TAP1: variants seen among roughly 807,000 people sequenced by gnomAD.
TAP1 encodes the protein transporter 1, ATP binding cassette subfamily B member, also known as antigen peptide transporter 1.
Under a neutral mutation model 79.3 loss-of-function variants are expected in TAP1, and 56 were observed. The ratio of observed to expected loss-of-function variants is 0.71; its 90% confidence interval spans 0.57 to 0.88. The LOEUF is 0.88. TAP1 is among the 40% of genes least tolerant of loss of function. The pLI is 0.00. For missense variants in TAP1, 737 were observed against 936.3 expected, an observed-to-expected ratio of 0.79 and a Z score of 2.78; for synonymous variants, 355 against 401.4, an observed-to-expected ratio of 0.88 and a Z score of 1.38.
rs765432671 is a variant in TAP1 at position 32,852,215 on chromosome 6, G to A, written c.738C>T (p.Asp246=). The A allele has an allele frequency of 3.0e-5, 49 of 1,612,794 alleles. No homozygotes were observed. The highest frequency in any genetic ancestry group is 3.0e-5 in the Non-Finnish European group (35 of 1,180,006). Residue 246 remains aspartate (D), a synonymous_variant, in exon 3 of 11, where the codon GAC becomes GAT. Transcript: ENST00000354258. This position sits in a 1 kb window ranked among gnomAD's most constrained non-coding sequence, Gnocchi z 4.8. Reference sequence around the variant, plus strand: ...GGCCCATGGTGTTGTTATAGATCCCGTCACCCACGAACTCCAGCACTGCAC... The same window carrying A: ...GGCCCATGGTGTTGTTATAGATCCCATCACCCACGAACTCCAGCACTGCAC... ...IASAVLEFVG[D]GIYNNTMGHV... is the part of the protein sequence containing the mutation.
At position 32,851,207 on chromosome 6, in the gene TAP1, G is replaced by A. The variant is rs975038502; in HGVS notation, c.845-58C>T. 33 of 1,549,934 alleles carry A rather than the reference G, an allele frequency of 2.1e-5. No individual in the cohort carries two copies. The highest frequency in any genetic ancestry group is 2.9e-5 in the Non-Finnish European group (33 of 1,129,954). On this transcript the variant is annotated intron_variant, in intron 3 of 10. Transcript: ENST00000354258. The surrounding 1 kb of genome is among the most constrained non-coding windows in gnomAD (Gnocchi z 4.8). The stretch of plus-strand genomic sequence containing the variant: ...TCAGACAGGTTCCAAGTGATGAGAC[G>A]AACTAACAATGAGCCAGGATGCCAG...
Position 32,853,080 on chromosome 6 carries a change from C to T in TAP1, c.557G>A (p.Arg186His). ...LLGCLGSETR[R>H]LSLFLVLVVL... Reference sequence around the variant, plus strand: ...CACCAGGACCAGGAACAGCGAGAGGCGGCGCGTCTCCGAGCCCAGGCAGCC... The same window carrying T: ...CACCAGGACCAGGAACAGCGAGAGGTGGCGCGTCTCCGAGCCCAGGCAGCC... Residue 186 changes from arginine (R) to histidine (H), a missense_variant, in exon 1 of 11, where the codon CGC (arginine) becomes CAC (histidine). Physicochemically the swap from Arg to His is conservative, Grantham distance 29. This residue lies in a region of TAP1 where 406 missense variants were observed against 477.2 expected (regional missense o/e 0.85). Coordinates refer to ENST00000354258, the MANE Select transcript of TAP1 (RefSeq NM_000593.6). This position sits in a 1 kb window ranked among gnomAD's most constrained non-coding sequence, Gnocchi z 8.3. 1.2e-6 allele frequency: 2 copies of T among 1,612,634 alleles called. No individual in the cohort carries two copies. Among genetic ancestry groups the T allele is most frequent in the South Asian group, 1.1e-5 (1 of 91,076 alleles).
Position 32,851,283 on chromosome 6 carries a change from A to T in TAP1, c.845-134T>A. 1 of 822,738 alleles carries T rather than the reference A, an allele frequency of 1.2e-6. No individual in the cohort carries two copies. The highest frequency in any genetic ancestry group is 2.0e-6 in the Non-Finnish European group (1 of 493,926). The allele number at this position is 822,738 out of a possible 1,614,324, so 51.0% of individuals were successfully genotyped here. A position where few individuals can be genotyped will look rare whatever the true frequency, so the allele number is the denominator to read the frequency against. ...TAAGGAGGCTGCAGGAAACAAGGTTAGGGTTCTCCAGAGGTCTGCAAATCT... is the reference window on the plus strand; with the variant it reads ...TAAGGAGGCTGCAGGAAACAAGGTTTGGGTTCTCCAGAGGTCTGCAAATCT... On this transcript the variant is annotated intron_variant, in intron 3 of 10. Coordinates refer to ENST00000354258, the MANE Select transcript of TAP1 (RefSeq NM_000593.6). This position sits in a 1 kb window ranked among gnomAD's most constrained non-coding sequence, Gnocchi z 4.8.
In TAP1 at chr6:32,845,525, A is replaced by G. The variant is rs1770309457; in HGVS notation, c.*54T>C. 6.3e-7 allele frequency: 1 copy of G among 1,596,386 alleles called. No individual in the cohort carries two copies. Among genetic ancestry groups the G allele is most frequent in the East Asian group, 2.2e-5 (1 of 44,776 alleles). On this transcript the variant is annotated 3_prime_UTR_variant, in exon 11 of 11. Coordinates refer to ENST00000354258, the MANE Select transcript of TAP1 (RefSeq NM_000593.6). This position sits in a 1 kb window ranked among gnomAD's most constrained non-coding sequence, Gnocchi z 4.5. ...GCCTACTCTGCAGCTGTGGTTCTCC[A>G]CCACAGAGAGAAGAAAAGGGAGGGA... is the stretch of plus-strand genomic sequence containing the variant.
chr6:32,848,784 T>A lies in TAP1; in HGVS notation c.1434A>T (p.Ile478=), dbSNP rs772039505. The change falls in exon 7 of 11, where the codon ATA becomes ATT. Residue 478 remains isoleucine (I), a synonymous_variant. Coordinates refer to ENST00000354258, the MANE Select transcript of TAP1 (RefSeq NM_000593.6). The stretch of plus-strand genomic sequence containing the variant: ...GAGGGGTGCGGTCCAGGTACTCAAA[T>A]ATTTTCTCTGAGGAGCCCACAGCCT... ...VQKAVGSSEK[I]FEYLDRTPRC... is the part of the protein sequence containing the mutation. The A allele has an allele frequency of 6.2e-7, 1 of 1,614,022 alleles. No individual in the cohort carries two copies. Among genetic ancestry groups the A allele is most frequent in the Non-Finnish European group, 8.5e-7 (1 of 1,180,028 alleles).
Position 32,853,615 on chromosome 6 carries a change from C to G in TAP1, c.22G>C (p.Ala8Pro), listed in dbSNP as rs750653151. 1 of 1,612,102 alleles carries G rather than the reference C, an allele frequency of 6.2e-7. No homozygotes were observed. The highest frequency in any genetic ancestry group is 1.7e-5 in the Admixed American group (1 of 60,000). The change falls in exon 1 of 11, where the codon GCT becomes CCT. Residue 8 changes from alanine to proline, a missense_variant. Physicochemically the swap from Ala to Pro is conservative, Grantham distance 27. This residue lies in a region of TAP1 where 45 missense variants were observed against 60.2 expected (regional missense o/e 0.75). Coordinates refer to ENST00000354258, the MANE Select transcript of TAP1 (RefSeq NM_000593.6). The surrounding 1 kb of genome is among the most constrained non-coding windows in gnomAD (Gnocchi z 8.3). The part of the protein sequence containing the change: MASSRCP[A>P]PRGCRCLPGA... ...GGGAGGCAGCGGCACCCGCGGGGAG[C>G]GGGACACCTAGAGCTAGCCATTGGC... is the stretch of plus-strand genomic sequence containing the variant.
rs1770716672 is a variant in TAP1, at chr6:32,850,492, G to T, written c.1076C>A (p.Ser359Tyr). The T allele has an allele frequency of 6.2e-7, 1 of 1,613,506 alleles. No individual in the cohort carries two copies. The highest frequency in any genetic ancestry group is 8.5e-7 in the Non-Finnish European group (1 of 1,180,034). ...YQLLEVQVRE[S>Y]LAKSSQVAIE... ...GGCCACCTGGCTGGACTTTGCCAGA[G>T]ATTCCCGCACCTGCACTTCCAGCAA... Residue 359 changes from serine (S) to tyrosine (Y), a missense_variant, in exon 5 of 11, where the codon TCT (serine) becomes TAT (tyrosine). Ser to Tyr is a moderately radical substitution (Grantham distance 144). Coordinates refer to ENST00000354258, the MANE Select transcript of TAP1 (RefSeq NM_000593.6). This position sits in a 1 kb window ranked among gnomAD's most constrained non-coding sequence, Gnocchi z 5.5.
Position 32,850,335 on chromosome 6 carries a change from G to A in TAP1, c.1233C>T (p.Asn411=). 1 of 1,614,270 alleles carries A rather than the reference G, an allele frequency of 6.2e-7. No homozygotes were observed. The highest frequency in any genetic ancestry group is 8.5e-7 in the Non-Finnish European group (1 of 1,180,052). ...NQKEAVAYAV[N]SWTTSISGML... is the part of the protein sequence containing the mutation. ...AGGTGCTCACACTAGTGGTCCAGGA[G>A]TTGACTGCATAGGCCACAGCCTCCT... is the stretch of plus-strand genomic sequence containing the variant. Residue 411 remains asparagine (N), a synonymous_variant, in exon 5 of 11, where the codon AAC becomes AAT. Coordinates refer to ENST00000354258, the MANE Select transcript of TAP1 (RefSeq NM_000593.6). This position sits in a 1 kb window ranked among gnomAD's most constrained non-coding sequence, Gnocchi z 5.5.
chr6:32,848,768 G>A lies in TAP1; in HGVS notation c.1450C>T (p.Arg484Cys), dbSNP rs778774698. 2.5e-5 allele frequency: 41 copies of A among 1,613,962 alleles called. No individual in the cohort carries two copies. Among genetic ancestry groups the A allele is most frequent in the South Asian group, 7.7e-5 (7 of 91,076 alleles). ...SSEKIFEYLD[R>C]TPRCPPSGLL... ...CCACTGGGTGGGCAGCGAGGGGTGC[G>A]GTCCAGGTACTCAAATATTTTCTCT... Residue 484 changes from arginine (R) to cysteine (C), a missense_variant, in exon 7 of 11, where the codon CGC becomes TGC. Coordinates refer to ENST00000354258, the MANE Select transcript of TAP1 (RefSeq NM_000593.6).
intron 7 of TAP1, 65 bp from the exon 8 acceptor site, chr6:32,848,157 C>T (rs1422094933): frequency 6.5e-7 from 1 of 1,538,056 alleles, no homozygotes; most frequent in Non-Finnish European, 8.8e-7. Context: ...GTGTCATTGC[C>T]TTGTTACATA....
Position 32,847,941 on chromosome 6 carries a change from T to C in TAP1, c.1718A>G (p.Glu573Gly). The change falls in exon 8 of 11, where the codon GAG (glutamate) becomes GGG (glycine). Residue 573 changes from glutamate (E) to glycine (G), a missense_variant. By Grantham distance (98) the Glu-to-Gly change is moderately conservative. Transcript: ENST00000354258. The surrounding 1 kb of genome is among the most constrained non-coding windows in gnomAD (Gnocchi z 4.7). ...LLDGKPLPQY[E>G]HRYLHRQVAA... is the part of the protein sequence containing the mutation. ...TACCTGCCTGTGCAGGTAGCGGTGC[T>C]CATATTGGGGAAGGGGCTTCCCATC... 1.2e-6 allele frequency: 2 copies of C among 1,613,058 alleles called. No homozygotes were observed. Among genetic ancestry groups the C allele is most frequent in the Non-Finnish European group, 8.5e-7 (1 of 1,180,030 alleles).
In TAP1 at chr6:32,850,885, A is replaced by G; in HGVS notation, c.1050+59T>C. 6.8e-7 allele frequency: 1 copy of G among 1,461,656 alleles called. No homozygotes were observed. The highest frequency in any genetic ancestry group is 9.6e-7 in the Non-Finnish European group (1 of 1,044,202). The allele number at this position is 1,461,656 out of a possible 1,614,324, so 90.5% of individuals were successfully genotyped here. The stretch of plus-strand genomic sequence containing the variant: ...ACTGAAAGCAATGTGAGAGGAACTG[A>G]GTCTGCCAAGTCTGGGAGATGAGGG... On this transcript the variant is annotated intron_variant, in intron 4 of 10. Transcript: ENST00000354258. This position sits in a 1 kb window ranked among gnomAD's most constrained non-coding sequence, Gnocchi z 5.5.
At position 32,852,275 on chromosome 6, in the gene TAP1, T is replaced by C; in HGVS notation, c.714-36A>G. The C allele has an allele frequency of 6.2e-7, 1 of 1,613,038 alleles. No homozygotes were observed. The highest frequency in any genetic ancestry group is 8.5e-7 in the Non-Finnish European group (1 of 1,180,006). ...CCCGGAAAAAAAGGGGATCAGGGTG[T>C]GTTCAGGGAACAGACTGAAGGTCCC... On this transcript the variant is annotated intron_variant, in intron 2 of 10. Transcript: ENST00000354258. The surrounding 1 kb of genome is among the most constrained non-coding windows in gnomAD (Gnocchi z 4.8).
At chr6:32,848,862 G>A in intron 6 of TAP1, 22 bp from the exon 7 acceptor site, 1 of 1,613,594 alleles carries the variant, frequency 6.2e-7, no homozygotes, top group Middle Eastern at 1.8e-4. Flanking sequence ...TAAGAATAGT[G>A]AAAGTGAGGT....
chr6:32,851,515 C>A lies in TAP1; in HGVS notation c.845-366G>T, dbSNP rs996588728. On this transcript the variant is annotated intron_variant, in intron 3 of 10. Transcript: ENST00000354258. The surrounding 1 kb of genome is among the most constrained non-coding windows in gnomAD (Gnocchi z 4.8). ...GAGGAGGGTGCTGCTAGGAAGCATGCCAAAGTCTGTGGAGCACTCACTGGG... is the reference window on the plus strand; with the variant it reads ...GAGGAGGGTGCTGCTAGGAAGCATGACAAAGTCTGTGGAGCACTCACTGGG... 3.3e-5 allele frequency among the ~76,000 whole-genome samples: 5 copies of A among 152,106 alleles called. No individual in the cohort carries two copies. The highest frequency in any genetic ancestry group is 5.9e-5 in the Non-Finnish European group (4 of 68,012).
In TAP1 at chr6:32,847,977, T is replaced by C; in HGVS notation, c.1682A>G (p.Gln561Arg). The C allele has an allele frequency of 6.2e-7, 1 of 1,613,110 alleles. No individual in the cohort carries two copies. The highest frequency in any genetic ancestry group is 1.1e-5 in the South Asian group (1 of 91,090). The change falls in exon 8 of 11, where the codon CAG becomes CGG. Residue 561 changes from glutamine to arginine, a missense_variant. This residue lies in a region of TAP1 where 266 missense variants were observed against 332.4 expected (regional missense o/e 0.80). Transcript: ENST00000354258. The surrounding 1 kb of genome is among the most constrained non-coding windows in gnomAD (Gnocchi z 4.7). ...LQNLYQPTGG[Q>R]LLLDGKPLPQ... ...AAGGGGCTTCCCATCCAACAGCAGCTGTCCCCCGGTGGGCTGGTACAGATT... is the reference window on the plus strand; with the variant it reads ...AAGGGGCTTCCCATCCAACAGCAGCCGTCCCCCGGTGGGCTGGTACAGATT...
At chr6:32,849,231 C>T (rs56318279) in intron 5 of TAP1, 113 bp from the exon 6 acceptor site, 28,826 of 1,357,542 alleles carry the variant, frequency 0.021, 442 homozygotes, top group South Asian at 0.037. Flanking sequence ...TAAGTGACAT[C>T]GGCAGGCTCA....
In TAP1 at chr6:32,850,664, C is replaced by A; in HGVS notation, c.1051-147G>T. 2 of 795,508 alleles carry A rather than the reference C, an allele frequency of 2.5e-6. No individual in the cohort carries two copies. The highest frequency in any genetic ancestry group is 2.1e-5 in the Admixed American group (1 of 48,336). The allele number at this position is 795,508 out of a possible 1,614,324, so 49.3% of individuals were successfully genotyped here. ...GAGACACAGCTATGCCCCTTGGATG[C>A]TAAAGAAATACGAGGAAGAGGAAAA... On this transcript the variant is annotated intron_variant, in intron 4 of 10. Coordinates refer to ENST00000354258, the MANE Select transcript of TAP1 (RefSeq NM_000593.6). This position sits in a 1 kb window ranked among gnomAD's most constrained non-coding sequence, Gnocchi z 5.5.
rs1770839029 is a variant in TAP1 at position 32,852,318 on chromosome 6, T to C, written c.713+70A>G. ...AAGGTCCCAGGTATCCCCATATAAGTGCATTTCGGACAGCAGCCCCAACTT... is the reference window on the plus strand; with the variant it reads ...AAGGTCCCAGGTATCCCCATATAAGCGCATTTCGGACAGCAGCCCCAACTT... On this transcript the variant is annotated intron_variant, in intron 2 of 10. Coordinates refer to ENST00000354258, the MANE Select transcript of TAP1 (RefSeq NM_000593.6). This position sits in a 1 kb window ranked among gnomAD's most constrained non-coding sequence, Gnocchi z 4.8. The C allele has an allele frequency of 1.3e-5, 21 of 1,612,724 alleles. No homozygotes were observed. Among genetic ancestry groups the C allele is most frequent in the Admixed American group, 5.0e-5 (3 of 59,996 alleles).
Sources: gnomAD v4.1 joint callset for allele counts (sites outside exome capture counted in the v4.1 genomes callset) on GRCh38, gnomAD v4.1.1 for gene constraint, gnomAD v4.1.1 regional missense constraint, Gnocchi (gnomAD v3.1) non-coding constraint, MANE v1.5 for transcripts, NCBI Gene and HGNC (gene_info 2026-07-23, HGNC 2026-07-21) for gene names.